SREBF1: variants seen among roughly 807,000 people sequenced by gnomAD.
SREBF1 encodes the protein sterol regulatory element-binding protein 1.
Under a neutral mutation model 100.1 loss-of-function variants are expected in SREBF1, and 45 were observed. That is an observed-to-expected ratio of 0.45 (90% confidence interval 0.35 to 0.58). The LOEUF (loss-of-function observed/expected upper bound fraction) is 0.58, where lower values mean the gene tolerates loss of function less well. SREBF1 is among the 20% of genes least tolerant of loss of function. The pLI is 0.00. For synonymous variants in SREBF1, 657 were observed against 681.8 expected, an observed-to-expected ratio of 0.96 and a Z score of 0.57; for missense variants, 1,324 against 1,539.4, an observed-to-expected ratio of 0.86 and a Z score of 2.34.
rs1166722835 is a variant in SREBF1, at chr17:17,811,927, C to CACTA, written c.*691_*694dup. The CACTA allele has an allele frequency of 9.0e-6, 4 of 446,622 alleles. No homozygotes were observed. Among genetic ancestry groups the CACTA allele is most frequent in the African/African-American group, 8.1e-5 (4 of 49,108 alleles). 27.7% of individuals were successfully genotyped at this position (446,622 alleles called of 1,614,324 possible). On this transcript the variant is annotated 3_prime_UTR_variant, in exon 19 of 19. Transcript: ENST00000261646. ...TACAGCCAGCCCTCCCCACTCCTCC[C>CACTA]ACTAACAAACAAACATCGGGAAGAG... is the stretch of plus-strand genomic sequence containing the variant.
intron 18 of SREBF1, 164 bp downstream of exon 18, chr17:17,813,202 CAA>C: frequency 2.7e-6 from 2 of 733,978 alleles, no homozygotes; most frequent in Non-Finnish European, 2.4e-6. Flanking sequence ...CTCCTGGGCT[CAA>C]GCTGTCCTCC....
At chr17:17,834,010 A>G (rs1269797863) in intron 1 of SREBF1, among the ~76,000 whole-genome samples, 8 of 123,066 alleles carry the variant, frequency 6.5e-5, no homozygotes, top group Admixed American at 6.3e-4. Context: ...ACCCATCCCC[A>G]AACACATATA....
At chr17:17,825,769 G>A (rs1014463246) in intron 1 of SREBF1, among the ~76,000 whole-genome samples, 4 of 151,970 alleles carry the variant, frequency 2.6e-5, no homozygotes, top group African/African-American at 4.8e-5. Context: ...CACCACACCT[G>A]TAATGAAATG....
chr17:17,830,719 C>T (rs1197935927), intron 1 of SREBF1, among the ~76,000 whole-genome samples: 1 of 152,214 alleles, frequency 6.6e-6, no homozygotes, highest in East Asian at 1.9e-4. Context: ...CTCCCACAAG[C>T]CCCAACCCAG....
At position 17,816,893 on chromosome 17, in the gene SREBF1, GAC is replaced by G. The variant is rs1350015376; in HGVS notation, c.1785+63_1785+64del. 10 of 1,605,740 alleles carry G rather than the reference GAC, an allele frequency of 6.2e-6. No homozygotes were observed. The Admixed American group carries it at 1.5e-4, about 24-fold the overall frequency. On this transcript the variant is annotated intron_variant, in intron 9 of 18. Transcript: ENST00000261646. ...TGCACAGGGAGCAGGAACAAGGGTT[GAC>G]ACCCAGCACCTTCACAGCCTGGGGT...
At chr17:17,823,744 G>A (rs1167521736) in intron 1 of SREBF1, 1 of 278,204 alleles carries the variant, frequency 3.6e-6, no homozygotes, top group African/African-American at 2.4e-5. Context: ...GCTGCGGGCC[G>A]GGCATGGGGT....
chr17:17,830,457 T>C (rs370945443), intron 1 of SREBF1, among the ~76,000 whole-genome samples: 2 of 152,254 alleles, frequency 1.3e-5, no homozygotes, highest in East Asian at 3.8e-4. Flanking sequence ...TCCCTTTACA[T>C]TGTTAAGAAC....
chr17:17,818,980 C>T (rs1567972040), intron 5 of SREBF1, 33 bp downstream of exon 5: 1 of 1,606,658 alleles, frequency 6.2e-7, no homozygotes, highest in African/African-American at 1.3e-5. Flanking sequence ...CCTAGGGACA[C>T]CCCGGTCTGT....
chr17:17,827,395 C>G (rs2034556830), intron 1 of SREBF1, among the ~76,000 whole-genome samples: 1 of 152,220 alleles, frequency 6.6e-6, no homozygotes, highest in African/African-American at 2.4e-5. Context: ...CCCTCTCGGC[C>G]TGCTAATGGA....
At position 17,829,205 on chromosome 17, in the gene SREBF1, AATATAT is replaced by A. The variant is rs71155305; in HGVS notation, c.91+7516_91+7521del. 5.9e-3 allele frequency among the ~76,000 whole-genome samples: 388 copies of A among 65,824 alleles called. 24 individuals carry two copies. Among genetic ancestry groups the A allele is most frequent in the African/African-American group, 0.025 (290 of 11,416 alleles). 43.2% of individuals were successfully genotyped at this position (65,824 alleles called of 152,430 possible). On this transcript the variant is annotated intron_variant, in intron 1 of 18. Transcript: ENST00000261646. ...AGACTCCATCTTAAAAAAAAAAAAA[AATATAT>A]ATATATATATATATATATATATATG...
chr17:17,827,871 G>A (rs2034586754), intron 1 of SREBF1, among the ~76,000 whole-genome samples: 2 of 152,184 alleles, frequency 1.3e-5, no homozygotes, highest in African/African-American at 2.4e-5. Flanking sequence ...TTCAGTGAGT[G>A]TGTGCAGAGT....
Position 17,817,219 on chromosome 17 carries a change from T to G in SREBF1, c.1606+37A>C. 1.2e-6 allele frequency: 2 copies of G among 1,608,880 alleles called. No individual in the cohort carries two copies. Among genetic ancestry groups the G allele is most frequent in the Non-Finnish European group, 1.7e-6 (2 of 1,178,130 alleles). On this transcript the variant is annotated intron_variant, in intron 8 of 18. Transcript: ENST00000261646. This position sits in a 1 kb window ranked among gnomAD's most constrained non-coding sequence, Gnocchi z 6.6. ...CACAAGCCTGGGGGCTCACCCCGAG[T>G]GTCCCTCCCAAAGATGCCCAGGCTG...
Position 17,816,536 on chromosome 17 carries a change from A to G in SREBF1, c.1968T>C (p.Cys656=). 6.2e-7 allele frequency: 1 copy of G among 1,603,000 alleles called. No homozygotes were observed. Among genetic ancestry groups the G allele is most frequent in the East Asian group, 2.3e-5 (1 of 44,426 alleles). Residue 656 remains cysteine, a synonymous_variant, in exon 10 of 19, where the codon TGT becomes TGC. Coordinates refer to ENST00000261646, the MANE Select transcript of SREBF1 (RefSeq NM_004176.5). The part of the protein sequence containing the change: ...AGRAGGLQQD[C]ALRVDASASA... ...TGGCGCTAGCATCCACTCGCAGAGCACAGTCCTGCTGCAGGCCCCCTGCCC... is the reference window on the plus strand; with the variant it reads ...TGGCGCTAGCATCCACTCGCAGAGCGCAGTCCTGCTGCAGGCCCCCTGCCC...
intron 9 of SREBF1, 50 bp downstream of exon 9, chr17:17,816,908 C>CA: frequency 6.2e-7 from 1 of 1,611,028 alleles, no homozygotes; most frequent in Non-Finnish European, 8.5e-7. Flanking sequence ...CCAGCACCTT[C>CA]ACAGCCTGGG....
chr17:17,815,446 A>G, intron 12 of SREBF1, 117 bp from the exon 13 acceptor site: 1 of 814,942 alleles, frequency 1.2e-6, no homozygotes, highest in East Asian at 2.5e-5. Flanking sequence ...AAGTGCCGGC[A>G]TGCCCCTGGG....
chr17:17,819,490 T>A lies in SREBF1; in HGVS notation c.712-36A>T. ...GAGAGGCTTGGCTGTAAGCTGTGTG[T>A]CTGGGCTGGGGCTGCCCCCTCCCCA... On this transcript the variant is annotated intron_variant, in intron 3 of 18. Coordinates refer to ENST00000261646, the MANE Select transcript of SREBF1 (RefSeq NM_004176.5). 3 of 1,613,292 alleles carry A rather than the reference T, an allele frequency of 1.9e-6. No individual in the cohort carries two copies. In the South Asian group the frequency reaches 3.3e-5, roughly 18 times the overall value.
intron 1 of SREBF1, among the ~76,000 whole-genome samples, chr17:17,832,590 A>G (rs1045998303): frequency 6.6e-6 from 1 of 152,126 alleles, no homozygotes; most frequent in South Asian, 2.1e-4. Flanking sequence ...CCCTCCCAGA[A>G]CCTCATCCTA....
In SREBF1 at chr17:17,812,754, C is replaced by G. The variant is rs1187959604; in HGVS notation, c.3312G>C (p.Ala1104=). ...CCAGCATGCCCACGCGCTGCCCGGG[C>G]GCCGACAGGAAGCCGGGGGGCAGGT... is the stretch of plus-strand genomic sequence containing the variant. ...SCYLPPGFLS[A]PGQRVGMLAE... is the part of the protein sequence containing the mutation. The change falls in exon 19 of 19, where the codon GCG becomes GCC. Residue 1104 remains alanine, a synonymous_variant. Coordinates refer to ENST00000261646, the MANE Select transcript of SREBF1 (RefSeq NM_004176.5). 1.3e-6 allele frequency: 2 copies of G among 1,546,628 alleles called. No individual in the cohort carries two copies. Among genetic ancestry groups the G allele is most frequent in the East Asian group, 4.8e-5 (2 of 41,258 alleles).
chr17:17,829,205 A>AAAAAAAAAAAAAATAT (rs1210718799), intron 1 of SREBF1, among the ~76,000 whole-genome samples: 8 of 65,846 alleles, frequency 1.2e-4, no homozygotes, highest in South Asian at 3.3e-4. Context: ...AAAAAAAAAA[A>AAAAAAAAAAAAAATAT]ATATATATAT....
Sources: gnomAD v4.1 joint callset for allele counts (sites outside exome capture counted in the v4.1 genomes callset) on GRCh38, gnomAD v4.1.1 for gene constraint, Gnocchi (gnomAD v3.1) non-coding constraint, MANE v1.5 for transcripts, NCBI Gene and HGNC (gene_info 2026-07-23, HGNC 2026-07-21) for gene names.